GTF3C1: variants seen among roughly 807,000 people sequenced by gnomAD.
The protein encoded by GTF3C1 is general transcription factor IIIC subunit 1.
A neutral mutation model predicts 226.7 loss-of-function variants in GTF3C1; 57 were observed. That is an observed-to-expected ratio of 0.25 (90% confidence interval 0.20 to 0.31). GTF3C1 has a LOEUF of 0.31. GTF3C1 is among the 10% of genes least tolerant of loss of function. The pLI is 1.00. For missense variants in GTF3C1, 2,217 were observed against 2,776.1 expected, an observed-to-expected ratio of 0.80 and a Z score of 4.53; for synonymous variants, 1,090 against 1,084.8, an observed-to-expected ratio of 1.00 and a Z score of -0.09.
intron 6 of GTF3C1, among the ~76,000 whole-genome samples, chr16:27,516,672 C>T (rs913180078): frequency 2.0e-5 from 3 of 152,206 alleles, no homozygotes; most frequent in Admixed American, 6.5e-5. Flanking sequence ...GACAAAGTCT[C>T]GCTTTGTCGT....
intron 8 of GTF3C1, among the ~76,000 whole-genome samples, chr16:27,508,071 G>A (rs1424086578): frequency 6.6e-6 from 1 of 152,238 alleles, no homozygotes; most frequent in South Asian, 2.1e-4. Flanking sequence ...GCGCAGTGGC[G>A]CCATCTCGGC....
chr16:27,492,733 G>C lies in GTF3C1; in HGVS notation c.2877-20C>G, dbSNP rs142139813. On this transcript the variant is annotated intron_variant, in intron 17 of 36. Coordinates refer to ENST00000356183, the MANE Select transcript of GTF3C1 (RefSeq NM_001520.4). The surrounding 1 kb of genome is among the most constrained non-coding windows in gnomAD (Gnocchi z 5.0). ...TAACGCCTAGAAAACAGAGGGGGCG[G>C]GAGGTTCTCATCACACCACACTCGC... is the stretch of plus-strand genomic sequence containing the variant. The C allele has an allele frequency of 5.0e-3, 6,874 of 1,378,546 alleles. 46 individuals carry two copies. Among genetic ancestry groups the C allele is most frequent in the South Asian group, 0.02 (1,720 of 86,510 alleles). The allele number at this position is 1,378,546 out of a possible 1,614,324, so 85.4% of individuals were successfully genotyped here.
chr16:27,477,833 C>T (rs1315461844), intron 28 of GTF3C1, among the ~76,000 whole-genome samples: 1 of 152,122 alleles, frequency 6.6e-6, no homozygotes, highest in Non-Finnish European at 1.5e-5. Context: ...GATAAGGTTT[C>T]TGATCAACAG....
At chr16:27,520,783 G>T (rs2088734898) in intron 6 of GTF3C1, among the ~76,000 whole-genome samples, 2 of 151,980 alleles carry the variant, frequency 1.3e-5, no homozygotes, top group African/African-American at 4.8e-5. Flanking sequence ...ACAGAGGTGT[G>T]ATCTCAGCTC....
rs1197630364 is a variant in GTF3C1, at chr16:27,471,559, G to A, written c.4526+189C>T. ...CCGCCAACACAAAGAAGCTGCCAGC[G>A]CTCACCTGATCCCCATACCACGAAG... On this transcript the variant is annotated intron_variant, in intron 30 of 36. Transcript: ENST00000356183. This position sits in a 1 kb window ranked among gnomAD's most constrained non-coding sequence, Gnocchi z 5.0. 1.6e-5 allele frequency: 9 copies of A among 562,078 alleles called. 1 individual carries two copies. The highest frequency in any genetic ancestry group is 3.1e-5 in the Admixed American group (1 of 32,540). 34.8% of individuals were successfully genotyped at this position (562,078 alleles called of 1,614,324 possible). A position where few individuals can be genotyped will look rare whatever the true frequency, so the allele number is the denominator to read the frequency against.
intron 6 of GTF3C1, among the ~76,000 whole-genome samples, chr16:27,522,340 C>T (rs2088762883): frequency 6.6e-6 from 1 of 152,234 alleles, no homozygotes; most frequent in Non-Finnish European, 1.5e-5. Flanking sequence ...TGGAACCATA[C>T]AGTCATGGCC....
At chr16:27,488,987 A>G in intron 21 of GTF3C1, 56 bp downstream of exon 21, 3 of 1,537,292 alleles carry the variant, frequency 2.0e-6, no homozygotes, top group Non-Finnish European at 2.7e-6. Flanking sequence ...AGGGAGGGAC[A>G]GGAGGGTGAG....
Position 27,483,110 on chromosome 16 carries a change from C to T in GTF3C1, c.4017G>A (p.Glu1339=), listed in dbSNP as rs1406482786. The T allele has an allele frequency of 6.2e-7, 1 of 1,614,168 alleles. No individual in the cohort carries two copies. The highest frequency in any genetic ancestry group is 8.5e-7 in the Non-Finnish European group (1 of 1,179,992). ...CAACAAGTGCTTTATCCTGGTACAC[C>T]TCGGCCAGGCACACTCTGCAGGAAG... ...AYLNYKVCLA[E]VYQDKALVGD... The change falls in exon 26 of 37, where the codon GAG becomes GAA. Residue 1339 remains glutamate (E), a synonymous_variant. Transcript: ENST00000356183.
chr16:27,518,270 G>A (rs1567407397), intron 6 of GTF3C1, among the ~76,000 whole-genome samples: 1 of 152,042 alleles, frequency 6.6e-6, no homozygotes, highest in African/African-American at 2.4e-5. Flanking sequence ...AGGTGGGGTT[G>A]CTGCAGCACA....
chr16:27,508,750 G>A (rs909155582), intron 7 of GTF3C1, 95 bp from the exon 8 acceptor site: 17 of 834,716 alleles, frequency 2.0e-5, no homozygotes, highest in Non-Finnish European at 3.3e-5. Context: ...ACATTTTGAT[G>A]CTGTGAAATT....
Position 27,463,648 on chromosome 16 carries a change from G to T in GTF3C1, c.5873-56C>A. 1 of 980,168 alleles carries T rather than the reference G, an allele frequency of 1.0e-6. No homozygotes were observed. Among genetic ancestry groups the T allele is most frequent in the Non-Finnish European group, 1.7e-6 (1 of 600,538 alleles). The allele number at this position is 980,168 out of a possible 1,614,324, so 60.7% of individuals were successfully genotyped here. On this transcript the variant is annotated intron_variant, in intron 34 of 36. Coordinates refer to ENST00000356183, the MANE Select transcript of GTF3C1 (RefSeq NM_001520.4). The surrounding 1 kb of genome is among the most constrained non-coding windows in gnomAD (Gnocchi z 4.9). Reference sequence around the variant, plus strand: ...TCGGAAAGTCAGGGAAGCCATCTCTGCCCTCCAACCTTCAGCATGGTACCT... The same window carrying T: ...TCGGAAAGTCAGGGAAGCCATCTCTTCCCTCCAACCTTCAGCATGGTACCT...
rs756212936 is a variant in GTF3C1, at chr16:27,486,071, G to A, written c.3784C>T (p.Arg1262Cys). The change falls in exon 24 of 37, where the codon CGT becomes TGT. Residue 1262 changes from arginine (R) to cysteine (C), a missense_variant. This residue lies in a region of GTF3C1 where 546 missense variants were observed against 663.0 expected (regional missense o/e 0.82). Transcript: ENST00000356183. ...QSALQRMTRL[R>C]VTWSMQEDGL... Reference sequence around the variant, plus strand: ...TCCTCCTGCATAGACCAGGTGACACGAAGCCGCGTCATCCGCTGCAGGGCA... The same window carrying A: ...TCCTCCTGCATAGACCAGGTGACACAAAGCCGCGTCATCCGCTGCAGGGCA... The A allele has an allele frequency of 1.9e-6, 3 of 1,610,442 alleles. No individual in the cohort carries two copies. Among genetic ancestry groups the A allele is most frequent in the Non-Finnish European group, 1.7e-6 (2 of 1,176,778 alleles).
intron 34 of GTF3C1, 64 bp downstream of exon 34, chr16:27,464,256 C>G: frequency 9.4e-7 from 1 of 1,067,598 alleles, no homozygotes; most frequent in Non-Finnish European, 1.3e-6. Context: ...TGAGGCCCAT[C>G]AGGGCGGAGG....
At chr16:27,521,410 C>T (rs189716788) in intron 6 of GTF3C1, among the ~76,000 whole-genome samples, 61 of 152,386 alleles carry the variant, frequency 4.0e-4, no homozygotes, top group Admixed American at 2.0e-3. Flanking sequence ...CCAGTCCTCA[C>T]GCTCCTCCTA....
At position 27,492,218 on chromosome 16, in the gene GTF3C1, G is replaced by A; in HGVS notation, c.3151+120C>T. The A allele has an allele frequency of 1.5e-6, 1 of 658,214 alleles. No individual in the cohort carries two copies. Among genetic ancestry groups the A allele is most frequent in the Non-Finnish European group, 2.7e-6 (1 of 372,716 alleles). The allele number at this position is 658,214 out of a possible 1,614,324, so 40.8% of individuals were successfully genotyped here. On this transcript the variant is annotated intron_variant, in intron 19 of 36. Transcript: ENST00000356183. The surrounding 1 kb of genome is among the most constrained non-coding windows in gnomAD (Gnocchi z 5.0). The stretch of plus-strand genomic sequence containing the variant: ...CCCCAGGGGTGCTCTGGGCCTCTGG[G>A]GAGCACTCGGAACATACCACTGGTT...
chr16:27,518,181 C>T (rs907360145), intron 6 of GTF3C1, among the ~76,000 whole-genome samples: 3 of 151,678 alleles, frequency 2.0e-5, no homozygotes, highest in East Asian at 1.9e-4. Context: ...CCACCACCCC[C>T]GCCCAAGACA....
intron 6 of GTF3C1, among the ~76,000 whole-genome samples, chr16:27,512,970 C>A (rs1220138869): frequency 2.0e-5 from 3 of 152,216 alleles, no homozygotes; most frequent in Non-Finnish European, 1.5e-5. Context: ...GGGACAACCA[C>A]CCTGTAAAGA....
intron 1 of GTF3C1, among the ~76,000 whole-genome samples, chr16:27,547,468 C>T (rs1217318355): frequency 6.6e-6 from 1 of 152,104 alleles, no homozygotes; most frequent in Non-Finnish European, 1.5e-5. Flanking sequence ...TCCGTGTTCC[C>T]AGCCTCAGAG....
chr16:27,494,553 A>G (rs576806195), intron 16 of GTF3C1, among the ~76,000 whole-genome samples: 1 of 152,148 alleles, frequency 6.6e-6, no homozygotes, highest in Non-Finnish European at 1.5e-5. Context: ...CCACCCAATC[A>G]TCTTTCTAAT....
Sources: allele counts gnomAD v4.1 joint callset (sites outside exome capture counted in the v4.1 genomes callset), GRCh38; gene constraint gnomAD v4.1.1; regional missense constraint gnomAD v4.1.1; non-coding constraint Gnocchi (gnomAD v3.1); transcripts MANE v1.5; gene names NCBI Gene and HGNC (gene_info 2026-07-23, HGNC 2026-07-21).